Variants in C6orf52 observed in about 807,000 individuals in gnomAD.
C6orf52 encodes the protein putative uncharacterized protein C6orf52.
C6orf52 carries 16 observed loss-of-function variants against 16.6 expected under a neutral mutation model. That is an observed-to-expected ratio of 0.96 (90% CI 0.65 to 1.46). The LOEUF is 1.46. Ranked by LOEUF, C6orf52 falls within the 40% of genes most tolerant of loss-of-function variation. C6orf52 has a pLI of 0.00. For synonymous variants in C6orf52, 53 were observed against 61.4 expected (o/e 0.86, Z 0.64); for missense variants, 166 against 182.3 (o/e 0.91, Z 0.52).
At chr6:10,679,574 A>C (rs372696144) in intron 4 of C6orf52, among the ~76,000 whole-genome samples, 5 of 139,358 alleles carry the variant, frequency 3.6e-5, no homozygotes, top group East Asian at 1.9e-4. Flanking sequence ...TTGTTAAAAA[A>C]AAAAAACAAA....
chr6:10,694,288 C>T (rs1480069784), intron 1 of C6orf52, among the ~76,000 whole-genome samples: 1 of 146,476 alleles, frequency 6.8e-6, no homozygotes, highest in Non-Finnish European at 1.5e-5. Context: ...AATGAAGGCT[C>T]ACTGCTCCCT....
chr6:10,672,665 A>C, intron 4 of C6orf52: 1 of 673,214 alleles, frequency 1.5e-6, no homozygotes, highest in South Asian at 1.6e-5. Context: ...ATTTTTTTTA[A>C]AAAAAGAGCA....
chr6:10,678,994 G>A (rs1768129581), intron 4 of C6orf52, among the ~76,000 whole-genome samples: 1 of 152,084 alleles, frequency 6.6e-6, no homozygotes, highest in Admixed American at 6.5e-5. Context: ...TTGGGAGGCT[G>A]AGGCAGGGGA....
chr6:10,693,319 G>C (rs1323836081), intron 1 of C6orf52, among the ~76,000 whole-genome samples: 1 of 152,212 alleles, frequency 6.6e-6, no homozygotes, highest in Non-Finnish European at 1.5e-5. Flanking sequence ...TCTGCATAAA[G>C]TAAAAATTGC....
chr6:10,694,425 C>G (rs1769672476), intron 1 of C6orf52, 69 bp downstream of exon 1: 2 of 154,722 alleles, frequency 1.3e-5, no homozygotes, highest in African/African-American at 4.8e-5. Context: ...ACTCCGAGTC[C>G]GTCAAGGCAG....
At chr6:10,692,814 G>A (rs1581570741) in intron 1 of C6orf52, among the ~76,000 whole-genome samples, 2 of 152,128 alleles carry the variant, frequency 1.3e-5, no homozygotes, top group African/African-American at 2.4e-5. Flanking sequence ...GTGAGCCACC[G>A]TGCCCAGCCA....
At chr6:10,684,789 T>G in intron 3 of C6orf52, 1 of 1,024,336 alleles carries the variant, frequency 9.8e-7, no homozygotes, top group Non-Finnish European at 1.3e-6. Context: ...AGGACACACG[T>G]TATTGGAGAA....
intron 4 of C6orf52, chr6:10,674,607 A>T (rs932233653): frequency 1.3e-5 from 2 of 151,156 alleles, no homozygotes; most frequent in South Asian, 4.2e-4. Context: ...TGGTGGAAAC[A>T]CTGAATATCC....
chr6:10,671,928 C>T (rs1193241988), intron 4 of C6orf52, among the ~76,000 whole-genome samples: 2 of 152,162 alleles, frequency 1.3e-5, no homozygotes. Context: ...ATGTTTCTGG[C>T]ATGAGCCAGA....
intron 4 of C6orf52, among the ~76,000 whole-genome samples, chr6:10,672,130 G>T (rs1767478901): frequency 6.6e-6 from 1 of 152,216 alleles, no homozygotes; most frequent in African/African-American, 2.4e-5. Context: ...ATGGTATTAT[G>T]TTATTGCGAA....
At chr6:10,675,789 C>A (rs1019017605) in intron 4 of C6orf52, among the ~76,000 whole-genome samples, 1 of 152,172 alleles carries the variant, frequency 6.6e-6, no homozygotes, top group Non-Finnish European at 1.5e-5. Context: ...TGAAGTTGAA[C>A]ATTTTCTCAT....
chr6:10,686,508 A>G (rs1768879698), intron 3 of C6orf52, among the ~76,000 whole-genome samples: 2 of 152,208 alleles, frequency 1.3e-5, no homozygotes, highest in African/African-American at 4.8e-5. Context: ...CAAAGTATTA[A>G]AATATATTTT....
At chr6:10,686,873 G>T in intron 3 of C6orf52, 93 bp downstream of exon 3, 1 of 922,076 alleles carries the variant, frequency 1.1e-6, no homozygotes, top group Non-Finnish European at 1.6e-6. Flanking sequence ...GTGGGAATTT[G>T]GATGACAGGA....
chr6:10,681,837 T>G (rs916699030), intron 4 of C6orf52, among the ~76,000 whole-genome samples: 6 of 152,240 alleles, frequency 3.9e-5, no homozygotes, highest in Admixed American at 3.9e-4. Context: ...GTAAGGTCCC[T>G]GGAGAACCTC....
At chr6:10,692,439 TAAAG>T (rs1486392820) in intron 1 of C6orf52, among the ~76,000 whole-genome samples, 1 of 152,156 alleles carries the variant, frequency 6.6e-6, no homozygotes, top group Non-Finnish European at 1.5e-5. Flanking sequence ...TAGCACAAAG[TAAAG>T]AAAGAATGAC....
intron 3 of C6orf52, 61 bp from the exon 4 acceptor site, chr6:10,683,293 T>C (rs1238297413): frequency 1.9e-6 from 2 of 1,041,450 alleles, no homozygotes; most frequent in Non-Finnish European, 2.8e-6. Flanking sequence ...TATCAATACA[T>C]ACTTTATTGG....
At position 10,671,522 on chromosome 6, in the gene C6orf52, G is replaced by A. The variant is rs1356234729; in HGVS notation, c.393C>T (p.Leu131=). 1.3e-6 allele frequency: 2 copies of A among 1,549,998 alleles called. No individual in the cohort carries two copies. The highest frequency in any genetic ancestry group is 2.7e-5 in the African/African-American group (2 of 72,958). Residue 131 remains leucine, a synonymous_variant, in exon 5 of 5, where the codon CTC becomes CTT. Transcript: ENST00000259983. Reference sequence around the variant, plus strand: ...CCAGAGGCTGCCAGTGGCAATTCATGAGGGAGTCGTAGAGTTCTTCACTTT... The same window carrying A: ...CCAGAGGCTGCCAGTGGCAATTCATAAGGGAGTCGTAGAGTTCTTCACTTT... ...MVKSEELYDS[L]MNCHWQPLDT...
intron 4 of C6orf52, among the ~76,000 whole-genome samples, chr6:10,680,495 T>C (rs946278951): frequency 6.6e-6 from 1 of 152,200 alleles, no homozygotes; most frequent in East Asian, 1.9e-4. Flanking sequence ...TTGTGTCCTT[T>C]TCTGGTTGTG....
chr6:10,681,488 G>A (rs966196077), intron 4 of C6orf52, among the ~76,000 whole-genome samples: 1 of 151,720 alleles, frequency 6.6e-6, no homozygotes, highest in African/African-American at 2.4e-5. Flanking sequence ...CTTTGTTCTT[G>A]TTCTTCTAGC....
Sources: gnomAD v4.1 joint callset for allele counts (sites outside exome capture counted in the v4.1 genomes callset) on GRCh38, gnomAD v4.1.1 for gene constraint, MANE v1.5 for transcripts, NCBI Gene and HGNC (gene_info 2026-07-23, HGNC 2026-07-21) for gene names.